Variants in SCAPER observed in about 807,000 individuals in gnomAD.
The protein encoded by SCAPER is S phase cyclin A-associated protein in the endoplasmic reticulum.
In SCAPER, 98 loss-of-function variants were observed where a neutral mutation model predicts 182.2. The ratio of observed to expected loss-of-function variants is 0.54; its 90% confidence interval spans 0.46 to 0.64. The LOEUF (loss-of-function observed/expected upper bound fraction) is 0.64. Ranked by LOEUF, SCAPER falls within the 30% of genes least tolerant of loss-of-function variation. The pLI, the probability that SCAPER is intolerant of heterozygous loss-of-function variation, is 0.00. For missense variants in SCAPER, 1,432 were observed against 1,690.0 expected (o/e 0.85, Z 2.68); for synonymous variants, 605 against 564.6 (o/e 1.07, Z -1.01).
rs1457823864 is a variant in SCAPER at position 76,593,367 on chromosome 15, T to C, written c.2712-19083A>G. ...TCCCATCTCCCTGGGGCAGAGCACC[T>C]GGGGGAAGGGGCGGCTGTGGGCACA... On this transcript the variant is annotated intron_variant, in intron 22 of 31. Transcript: ENST00000563290. 4.1e-5 allele frequency among the ~76,000 whole-genome samples: 5 copies of C among 121,146 alleles called. 1 individual carries two copies. The highest frequency in any genetic ancestry group is 7.6e-5 in the African/African-American group (3 of 39,704). The allele number at this position is 121,146 out of a possible 152,430, so 79.5% of individuals were successfully genotyped here. A position where few individuals can be genotyped will look rare whatever the true frequency, so the allele number is the denominator to read the frequency against.
intron 25 of SCAPER, among the ~76,000 whole-genome samples, chr15:76,453,494 T>G (rs564694749): frequency 6.6e-6 from 1 of 152,346 alleles, no homozygotes; most frequent in East Asian, 1.9e-4. Flanking sequence ...AATTTAGGTA[T>G]GTAGGATGTT....
chr15:76,409,954 ATTTT>A (rs534239321), intron 26 of SCAPER, among the ~76,000 whole-genome samples: 4 of 137,060 alleles, frequency 2.9e-5, no homozygotes, highest in Non-Finnish European at 4.8e-5. Flanking sequence ...GGCCTGGCTA[ATTTT>A]TTTTTTTTTT....
At chr15:76,753,508 G>A (rs1377512421) in intron 15 of SCAPER, among the ~76,000 whole-genome samples, 1 of 151,910 alleles carries the variant, frequency 6.6e-6, no homozygotes, top group African/African-American at 2.4e-5. Flanking sequence ...TATGTTCATT[G>A]TACTGATAGT....
At chr15:76,676,037 C>T (rs1015923795) in intron 20 of SCAPER, among the ~76,000 whole-genome samples, 9 of 152,166 alleles carry the variant, frequency 5.9e-5, no homozygotes, top group Non-Finnish European at 8.8e-5. Context: ...GTTGGCCAGG[C>T]TGGTCTCGAA....
At chr15:76,795,002 A>G (rs1360737347) in intron 8 of SCAPER, among the ~76,000 whole-genome samples, 1 of 152,216 alleles carries the variant, frequency 6.6e-6, no homozygotes, top group Admixed American at 6.5e-5. Context: ...CCTGAAGTCA[A>G]AAGAATTCTA....
In SCAPER at chr15:76,592,902, G is replaced by A; in HGVS notation, c.2712-18618C>T. On this transcript the variant is annotated intron_variant, in intron 22 of 31. Coordinates refer to ENST00000563290, the MANE Select transcript of SCAPER (RefSeq NM_020843.4). ...AGCACAAAACTGGGTGGACTTTTGG[G>A]CAGACACCGAGCTAGCTGCAGGAGT... is the stretch of plus-strand genomic sequence containing the variant. Among the ~76,000 whole-genome samples the A allele has an allele frequency of 1.7e-5, 2 of 120,060 alleles. 1 individual carries two copies. Among genetic ancestry groups the A allele is most frequent in the Non-Finnish European group, 4.1e-5 (2 of 49,266 alleles). The allele number at this position is 120,060 out of a possible 152,430, so 78.8% of individuals were successfully genotyped here.
At chr15:76,885,310 C>CA (rs2151964018) in intron 1 of SCAPER, among the ~76,000 whole-genome samples, 1 of 152,296 alleles carries the variant, frequency 6.6e-6, no homozygotes, top group Non-Finnish European at 1.5e-5. Flanking sequence ...CCATACACCC[C>CA]TTCTCCCCAG....
At chr15:76,588,226 C>A (rs1355544090) in intron 22 of SCAPER, among the ~76,000 whole-genome samples, 1 of 152,108 alleles carries the variant, frequency 6.6e-6, no homozygotes, top group Non-Finnish European at 1.5e-5. Context: ...CCGGCCCTGT[C>A]TCTCTTATTT....
chr15:76,635,364 G>GA (rs2053500939), intron 21 of SCAPER, among the ~76,000 whole-genome samples: 1 of 152,068 alleles, frequency 6.6e-6, no homozygotes, highest in South Asian at 2.1e-4. Context: ...AGAGTACAGG[G>GA]AAAAAACCCA....
At chr15:76,374,642 C>T (rs1054563881) in intron 29 of SCAPER, among the ~76,000 whole-genome samples, 4 of 151,398 alleles carry the variant, frequency 2.6e-5, no homozygotes, top group African/African-American at 7.3e-5. Context: ...CCACCATGCC[C>T]GGTTAATTTT....
intron 17 of SCAPER, among the ~76,000 whole-genome samples, chr15:76,716,116 C>A (rs1485959615): frequency 3.3e-5 from 5 of 152,150 alleles, no homozygotes; most frequent in African/African-American, 1.2e-4. Context: ...ACCCCTACAA[C>A]CTTTGCCCTA....
chr15:76,778,164 A>C (rs1260609702), intron 8 of SCAPER, among the ~76,000 whole-genome samples: 2 of 152,170 alleles, frequency 1.3e-5, no homozygotes. Context: ...TATCCTTCTC[A>C]TGAATTTTCT....
chr15:76,845,247 G>C (rs538225909), intron 4 of SCAPER, among the ~76,000 whole-genome samples: 29 of 152,170 alleles, frequency 1.9e-4, no homozygotes, highest in African/African-American at 7.0e-4. Context: ...ATATGTGACA[G>C]ACACACAGCT....
chr15:76,786,082 A>C (rs1045449726), intron 8 of SCAPER, among the ~76,000 whole-genome samples: 1 of 152,072 alleles, frequency 6.6e-6, no homozygotes, highest in Non-Finnish European at 1.5e-5. Flanking sequence ...TAATCCCAGC[A>C]CTTTGGGAGA....
intron 20 of SCAPER, among the ~76,000 whole-genome samples, chr15:76,682,161 C>G (rs1164272596): frequency 6.6e-6 from 1 of 152,176 alleles, no homozygotes; most frequent in African/African-American, 2.4e-5. Context: ...AATGTACCAG[C>G]CTACCGACAA....
chr15:76,804,134 T>C (rs2065972203), intron 6 of SCAPER, among the ~76,000 whole-genome samples: 1 of 152,198 alleles, frequency 6.6e-6, no homozygotes, highest in East Asian at 1.9e-4. Context: ...GCCAACCAGC[T>C]GGTAAAATCC....
chr15:76,689,657 C>G (rs7182625), intron 20 of SCAPER, among the ~76,000 whole-genome samples: 1 of 151,502 alleles, frequency 6.6e-6, no homozygotes, highest in Non-Finnish European at 1.5e-5. Flanking sequence ...CTCCTTATAT[C>G]TAGGTCTTGT....
At chr15:76,905,016 C>G (rs1371399536) in intron 1 of SCAPER, among the ~76,000 whole-genome samples, 1 of 152,174 alleles carries the variant, frequency 6.6e-6, no homozygotes, top group African/African-American at 2.4e-5. Flanking sequence ...GTCCCTCACA[C>G]CCCAGATGAG....
intron 27 of SCAPER, among the ~76,000 whole-genome samples, chr15:76,384,047 T>C (rs1421428120): frequency 6.6e-6 from 1 of 152,186 alleles, no homozygotes; most frequent in Non-Finnish European, 1.5e-5. Context: ...CCAAAAGAGT[T>C]AGGGGTCAGA....
Sources: gnomAD v4.1 joint callset for allele counts (sites outside exome capture counted in the v4.1 genomes callset) on GRCh38, gnomAD v4.1.1 for gene constraint, MANE v1.5 for transcripts, NCBI Gene and HGNC (gene_info 2026-07-23, HGNC 2026-07-21) for gene names.